PRKCQ: variants seen among roughly 807,000 people sequenced by gnomAD.
PRKCQ encodes protein kinase C theta type.
PRKCQ carries 41 observed loss-of-function variants against 91.2 expected under a neutral mutation model. The ratio of observed to expected loss-of-function variants is 0.45; its 90% CI spans 0.35 to 0.58. PRKCQ has a LOEUF of 0.58. Among genes scored for constraint, PRKCQ ranks in the 20% least tolerant of loss-of-function variants. The pLI is 0.00. For missense variants in PRKCQ, 673 were observed against 896.5 expected (o/e 0.75, Z 3.18); for synonymous variants, 307 against 316.9 (o/e 0.97, Z 0.33).
At chr10:6,472,317 C>T (rs1240621294) in intron 12 of PRKCQ, among the ~76,000 whole-genome samples, 1 of 151,426 alleles carries the variant, frequency 6.6e-6, no homozygotes, top group African/African-American at 2.4e-5. Context: ...CAGAAAAAAA[C>T]AAACAAAAAA....
At chr10:6,456,950 GCACAC>G in intron 14 of PRKCQ, 138 bp from the exon 15 acceptor site, 7 of 817,474 alleles carry the variant, frequency 8.6e-6, no homozygotes, top group Non-Finnish European at 1.3e-5. Context: ...CTATCCACTT[GCACAC>G]CAAGTGGGGT....
chr10:6,522,325 G>C (rs1839044756), intron 1 of PRKCQ, among the ~76,000 whole-genome samples: 1 of 152,166 alleles, frequency 6.6e-6, no homozygotes, highest in Non-Finnish European at 1.5e-5. Flanking sequence ...TTTGTCTTTT[G>C]TGTGTAGCTT....
chr10:6,428,195 G>A lies in PRKCQ; in HGVS notation c.*12C>T. On this transcript the variant is annotated 3_prime_UTR_variant, in exon 18 of 18. Coordinates refer to ENST00000263125, the MANE Select transcript of PRKCQ (RefSeq NM_006257.5). ...GAAGGCAAATTCTTTCCTGTCTCTGGAGGGGCAAGATTCAGGATATCAGCC... is the reference window on the plus strand; with the variant it reads ...GAAGGCAAATTCTTTCCTGTCTCTGAAGGGGCAAGATTCAGGATATCAGCC... The A allele has an allele frequency of 6.2e-7, 1 of 1,614,108 alleles. No individual in the cohort carries two copies. Among genetic ancestry groups the A allele is most frequent in the Non-Finnish European group, 8.5e-7 (1 of 1,180,026 alleles).
intron 1 of PRKCQ, among the ~76,000 whole-genome samples, chr10:6,543,575 A>G (rs537258189): frequency 6.6e-6 from 1 of 152,180 alleles, no homozygotes; most frequent in Non-Finnish European, 1.5e-5. Context: ...GACGCTAACC[A>G]CTACTTTGTG....
rs374319923 is a variant in PRKCQ, at chr10:6,566,367, T to C, written c.-10+13844A>G. ...CCCTAGGAGCTTGAAATGTATCCACTTCTTTCCCACTCCAGCTGTCCAGGT... is the reference window on the plus strand; with the variant it reads ...CCCTAGGAGCTTGAAATGTATCCACCTCTTTCCCACTCCAGCTGTCCAGGT... On this transcript the variant is annotated intron_variant, in intron 1 of 17. Coordinates refer to ENST00000263125, the MANE Select transcript of PRKCQ (RefSeq NM_006257.5). 4.2e-4 allele frequency among the ~76,000 whole-genome samples: 64 copies of C among 152,316 alleles called. 2 individuals carry two copies. The South Asian group carries it at 0.013, about 31-fold the overall frequency.
intron 4 of PRKCQ, among the ~76,000 whole-genome samples, chr10:6,505,129 G>A (rs1010206682): frequency 6.6e-5 from 10 of 151,964 alleles, no homozygotes; most frequent in Non-Finnish European, 1.0e-4. Flanking sequence ...TCCTGACCTC[G>A]GATCCACCTG....
intron 7 of PRKCQ, among the ~76,000 whole-genome samples, chr10:6,492,452 T>C (rs943320991): frequency 2.6e-5 from 4 of 152,294 alleles, no homozygotes; most frequent in Admixed American, 2.0e-4. Context: ...AATACCCCTT[T>C]TGAAGTCGCT....
chr10:6,548,228 A>G (rs1372508597), intron 1 of PRKCQ, among the ~76,000 whole-genome samples: 1 of 150,722 alleles, frequency 6.6e-6, no homozygotes, highest in African/African-American at 2.4e-5. Context: ...AAAGGTCAGG[A>G]AACAACAGGT....
the PRKCQ span, among the ~76,000 whole-genome samples, chr10:6,394,755 A>G: frequency 6.6e-6 from 1 of 152,258 alleles, no homozygotes; most frequent in Non-Finnish European, 1.5e-5. Flanking sequence ...TGCTGCTCGC[A>G]AGAAGCAGGG....
At chr10:6,487,221 G>GA (rs1405953094) in intron 8 of PRKCQ, among the ~76,000 whole-genome samples, 1 of 152,166 alleles carries the variant, frequency 6.6e-6, no homozygotes, top group African/African-American at 2.4e-5. Context: ...CAGTCATAAA[G>GA]AAAGTGATAT....
intron 15 of PRKCQ, among the ~76,000 whole-genome samples, chr10:6,448,718 T>C (rs187508106): frequency 5.3e-5 from 8 of 152,210 alleles, no homozygotes; most frequent in Admixed American, 3.9e-4. Flanking sequence ...AAACCAAGAT[T>C]TTTAAAAAGT....
chr10:6,541,153 T>A (rs1839761571), intron 1 of PRKCQ, among the ~76,000 whole-genome samples: 1 of 152,228 alleles, frequency 6.6e-6, no homozygotes, highest in South Asian at 2.1e-4. Context: ...CCAACTCAGA[T>A]AGAAATGTCA....
At chr10:6,441,768 C>T (rs1435268747) in intron 16 of PRKCQ, 125 bp downstream of exon 16, 26 of 969,198 alleles carry the variant, frequency 2.7e-5, no homozygotes, top group Non-Finnish European at 3.4e-5. Context: ...GTGCACATCC[C>T]ATTTAAACCC....
At chr10:6,513,160 G>A (rs888050154) in intron 2 of PRKCQ, among the ~76,000 whole-genome samples, 5 of 152,116 alleles carry the variant, frequency 3.3e-5, no homozygotes. Context: ...TCACAACCCC[G>A]CAGCCCCGTA....
intron 16 of PRKCQ, among the ~76,000 whole-genome samples, chr10:6,439,118 T>C (rs1472212580): frequency 6.6e-6 from 1 of 152,242 alleles, no homozygotes; most frequent in Non-Finnish European, 1.5e-5. Context: ...TCCAGATCTT[T>C]CTTGATGGCT....
intron 1 of PRKCQ, among the ~76,000 whole-genome samples, chr10:6,538,483 G>A (rs1187605306): frequency 6.6e-6 from 1 of 152,224 alleles, no homozygotes. Context: ...ATCTATCATA[G>A]GCATGGCTCA....
At chr10:6,483,664 G>A in intron 10 of PRKCQ, 64 bp from the exon 11 acceptor site, 1 of 1,561,872 alleles carries the variant, frequency 6.4e-7, no homozygotes, top group Non-Finnish European at 8.8e-7. Context: ...TAGTTACTGA[G>A]AGCACATGCT....
Position 6,465,251 on chromosome 10 carries a change from G to A in PRKCQ, c.1354-847C>T, listed in dbSNP as rs1564322021. ...ATTCCTCCCTGAAGCTTGCAATCAA[G>A]TTTAACCTTATTTTTCTCCAGTCCT... On this transcript the variant is annotated intron_variant, in intron 12 of 17. Coordinates refer to ENST00000263125, the MANE Select transcript of PRKCQ (RefSeq NM_006257.5). The surrounding 1 kb of genome is among the most constrained non-coding windows in gnomAD (Gnocchi z 4.4). 6.6e-6 allele frequency among the ~76,000 whole-genome samples: 1 copy of A among 152,184 alleles called. No individual in the cohort carries two copies. The highest frequency in any genetic ancestry group is 1.5e-5 in the Non-Finnish European group (1 of 68,044).
intron 15 of PRKCQ, among the ~76,000 whole-genome samples, chr10:6,448,527 G>A (rs1437115724): frequency 6.6e-6 from 1 of 152,022 alleles, no homozygotes; most frequent in African/African-American, 2.4e-5. Flanking sequence ...CCCTGCCTCA[G>A]CCTCCTGAGC....
Sources: allele counts gnomAD v4.1 joint callset (sites outside exome capture counted in the v4.1 genomes callset), GRCh38; gene constraint gnomAD v4.1.1; non-coding constraint Gnocchi (gnomAD v3.1); transcripts MANE v1.5; gene names NCBI Gene and HGNC (gene_info 2026-07-23, HGNC 2026-07-21).